The following RAP1A variants were observed in gnomAD, a reference collection of about 807,000 sequenced individuals.
The protein encoded by RAP1A is ras-related protein Rap-1A.
Under a neutral mutation model 26.4 loss-of-function variants are expected in RAP1A, and 6 were observed. The observed-to-expected ratio is 0.23, with a 90% CI of 0.12 to 0.45. The LOEUF (loss-of-function observed/expected upper bound fraction) is 0.45. Among genes scored for constraint, RAP1A ranks in the 20% least tolerant of loss-of-function variants. The probability of loss-of-function intolerance (pLI) is 0.99; values close to 1 mark genes in which losing one functional copy is unlikely to be tolerated. For synonymous variants in RAP1A, 73 were observed against 79.4 expected, an observed-to-expected ratio of 0.92 and a Z score of 0.43; for missense variants, 121 against 217.2, an observed-to-expected ratio of 0.56 and a Z score of 2.78.
intron 1 of RAP1A, among the ~76,000 whole-genome samples, chr1:111,580,666 G>A (rs1658238600): frequency 6.6e-6 from 1 of 152,078 alleles, no homozygotes. Flanking sequence ...GGCCAAGATG[G>A]TGAAACCCTA....
At chr1:111,559,673 A>G (rs1196418944) in intron 1 of RAP1A, among the ~76,000 whole-genome samples, 1 of 152,228 alleles carries the variant, frequency 6.6e-6, no homozygotes, top group Non-Finnish European at 1.5e-5. Flanking sequence ...ATTATTATTA[A>G]TATTTAAAAC....
At chr1:111,590,644 T>C (rs1321415426) in intron 1 of RAP1A, among the ~76,000 whole-genome samples, 1 of 151,860 alleles carries the variant, frequency 6.6e-6, no homozygotes, top group Non-Finnish European at 1.5e-5. Context: ...AGGTTGGTCT[T>C]GAACTCCTGA....
chr1:111,596,274 T>A (rs1294305902), intron 1 of RAP1A, among the ~76,000 whole-genome samples: 1 of 151,980 alleles, frequency 6.6e-6, no homozygotes, highest in African/African-American at 2.4e-5. Flanking sequence ...CAACAATGGA[T>A]GAGGAACTCT....
chr1:111,553,114 G>A (rs1657337119), intron 1 of RAP1A, among the ~76,000 whole-genome samples: 1 of 152,166 alleles, frequency 6.6e-6, no homozygotes, highest in South Asian at 2.1e-4. Context: ...AATTTCTCAT[G>A]TTTCTTCCCA....
At chr1:111,575,363 G>A (rs1364137916) in intron 1 of RAP1A, among the ~76,000 whole-genome samples, 1 of 152,132 alleles carries the variant, frequency 6.6e-6, no homozygotes. Flanking sequence ...ATGTTGGCCA[G>A]GCTGGTCTCA....
At chr1:111,659,714 A>G (rs1002998628) in intron 1 of RAP1A, among the ~76,000 whole-genome samples, 5 of 152,028 alleles carry the variant, frequency 3.3e-5, no homozygotes, top group Non-Finnish European at 7.4e-5. Flanking sequence ...TCTGATTTCA[A>G]TTGAACATTT....
intron 1 of RAP1A, among the ~76,000 whole-genome samples, chr1:111,685,615 C>T (rs1661446125): frequency 6.6e-6 from 1 of 152,136 alleles, no homozygotes; most frequent in African/African-American, 2.4e-5. Context: ...ATTAAAAAGT[C>T]AGGAAACAAC....
At chr1:111,623,722 T>C (rs941136831) in intron 1 of RAP1A, among the ~76,000 whole-genome samples, 15 of 152,330 alleles carry the variant, frequency 9.8e-5, no homozygotes, top group South Asian at 6.2e-4. Context: ...TAGGTCAACA[T>C]TGAAATTTTA....
At chr1:111,601,935 G>T (rs1219526387) in intron 1 of RAP1A, among the ~76,000 whole-genome samples, 1 of 152,066 alleles carries the variant, frequency 6.6e-6, no homozygotes, top group Non-Finnish European at 1.5e-5. Flanking sequence ...CTAGTTTAAG[G>T]CATGTGTAAA....
intron 2 of RAP1A, among the ~76,000 whole-genome samples, chr1:111,694,969 G>A (rs1338182478): frequency 6.6e-6 from 1 of 152,072 alleles, no homozygotes; most frequent in Non-Finnish European, 1.5e-5. Context: ...ACTCCATTAA[G>A]GGCAGAGGGC....
chr1:111,648,823 C>A, intron 1 of RAP1A: 1 of 692,522 alleles, frequency 1.4e-6, no homozygotes, highest in Non-Finnish European at 2.7e-6. Context: ...TTGTATTGGG[C>A]CGAGATGTCT....
At chr1:111,577,664 T>C (rs2101058742) in intron 1 of RAP1A, among the ~76,000 whole-genome samples, 1 of 152,234 alleles carries the variant, frequency 6.6e-6, no homozygotes, top group East Asian at 1.9e-4. Context: ...CTGGGCAAGA[T>C]CCTTAACCTC....
intron 1 of RAP1A, 27 bp downstream of exon 1, chr1:111,619,961 C>T (rs562609376): frequency 1.7e-4 from 66 of 396,878 alleles, no homozygotes; most frequent in African/African-American, 1.3e-3. Context: ...GAGCTCCAGA[C>T]GGCCCCAGAG....
At chr1:111,549,649 CAAAAAA>C (rs370585012) in intron 1 of RAP1A, among the ~76,000 whole-genome samples, 1 of 94,428 alleles carries the variant, frequency 1.1e-5, no homozygotes, top group African/African-American at 3.6e-5. Context: ...GACTCTGTTT[CAAAAAA>C]AAAAAAAAAA....
In RAP1A at chr1:111,660,705, G is replaced by A. The variant is rs571327780; in HGVS notation, c.-27-30629G>A. On this transcript the variant is annotated intron_variant, in intron 1 of 7. Coordinates refer to ENST00000369709, the MANE Select transcript of RAP1A (RefSeq NM_002884.4). The stretch of plus-strand genomic sequence containing the variant: ...CATCCTCTGCTCAAAACTGTCCAGT[G>A]GCTTCCCACGCATACCAAGTAAAAG... Among the ~76,000 whole-genome samples the A allele has an allele frequency of 2.0e-5, 3 of 152,278 alleles. No individual in the cohort carries two copies. The East Asian group carries it at 5.8e-4, about 29-fold the overall frequency.
At chr1:111,656,009 A>G (rs919138629) in intron 1 of RAP1A, among the ~76,000 whole-genome samples, 3 of 152,040 alleles carry the variant, frequency 2.0e-5, no homozygotes, top group African/African-American at 4.8e-5. Context: ...TGATTAATTA[A>G]TGTTCCATGT....
At chr1:111,700,544 C>T (rs747627533) in intron 4 of RAP1A, among the ~76,000 whole-genome samples, 1 of 152,224 alleles carries the variant, frequency 6.6e-6, no homozygotes, top group Non-Finnish European at 1.5e-5. Flanking sequence ...TCACCTCCAA[C>T]ACTGGGGATT....
intron 2 of RAP1A, among the ~76,000 whole-genome samples, chr1:111,694,928 C>T (rs1245791610): frequency 6.6e-6 from 1 of 151,846 alleles, no homozygotes; most frequent in African/African-American, 2.4e-5. Context: ...AGCAAAGACC[C>T]TGTGTTTAAA....
intron 1 of RAP1A, among the ~76,000 whole-genome samples, chr1:111,592,685 A>G (rs527264188): frequency 2.6e-5 from 4 of 152,244 alleles, no homozygotes; most frequent in Admixed American, 2.6e-4. Context: ...AGCTCTCTCA[A>G]TGAAGTTTTA....
Sources: gnomAD v4.1 joint callset for allele counts (sites outside exome capture counted in the v4.1 genomes callset) on GRCh38, gnomAD v4.1.1 for gene constraint, MANE v1.5 for transcripts, NCBI Gene and HGNC (gene_info 2026-07-23, HGNC 2026-07-21) for gene names.